Variants in HRH2 observed in about 807,000 individuals in gnomAD.
The protein encoded by HRH2 is histamine receptor H2.
A neutral mutation model predicts 20.1 loss-of-function variants in HRH2; 4 were observed. The ratio of observed to expected loss-of-function variants is 0.20; its 90% CI spans 0.10 to 0.45. The LOEUF is 0.45. Ranked by LOEUF, HRH2 falls within the 20% of genes least tolerant of loss-of-function variation. The probability of loss-of-function intolerance (pLI) is 0.99; values close to 1 mark genes in which losing one functional copy is unlikely to be tolerated. For synonymous variants in HRH2, 197 were observed against 200.7 expected, an observed-to-expected ratio of 0.98 and a Z score of 0.16; for missense variants, 250 against 461.6, an observed-to-expected ratio of 0.54 and a Z score of 4.20.
chr5:175,696,225 G>A (rs981792359), intron 2 of HRH2, among the ~76,000 whole-genome samples: 3 of 152,254 alleles, frequency 2.0e-5, no homozygotes, highest in Non-Finnish European at 2.9e-5. Context: ...GAGAGGGTAC[G>A]TCAAGTCAGC....
Position 175,681,185 on chromosome 5 carries a change from G to C in HRH2, c.-525-1524G>C, listed in dbSNP as rs1192533019. On this transcript the variant is annotated intron_variant, in intron 1 of 2. Transcript: ENST00000636584. The surrounding 1 kb of genome is among the most constrained non-coding windows in gnomAD (Gnocchi z 4.3). ...TGTGGCGGTGAGACCCATGCTGTTT[G>C]GGCTATTTATGTAATGAAAAGCTCT... Among the ~76,000 whole-genome samples, 1 of 152,134 alleles carries C rather than the reference G, an allele frequency of 6.6e-6. No individual in the cohort carries two copies. The highest frequency in any genetic ancestry group is 1.5e-5 in the Non-Finnish European group (1 of 68,022).
At chr5:175,676,849 G>T (rs996045536) in intron 1 of HRH2, among the ~76,000 whole-genome samples, 4 of 152,196 alleles carry the variant, frequency 2.6e-5, no homozygotes, top group Non-Finnish European at 4.4e-5. Flanking sequence ...TTGCACTGGA[G>T]GATATTATTT....
chr5:175,677,209 G>T lies in HRH2; in HGVS notation c.-525-5500G>T, dbSNP rs929854890. Among the ~76,000 whole-genome samples, 2 of 152,180 alleles carry T rather than the reference G, an allele frequency of 1.3e-5. No homozygotes were observed. Among genetic ancestry groups the T allele is most frequent in the Non-Finnish European group, 2.9e-5 (2 of 68,034 alleles). ...AGGGTCTCACTACGTTGCCCAGGCTGGTCTCAAATTCCTGGCCAATTCTCC... is the reference window on the plus strand; with the variant it reads ...AGGGTCTCACTACGTTGCCCAGGCTTGTCTCAAATTCCTGGCCAATTCTCC... On this transcript the variant is annotated intron_variant, in intron 1 of 2. Transcript: ENST00000636584. This position sits in a 1 kb window ranked among gnomAD's most constrained non-coding sequence, Gnocchi z 4.2.
chr5:175,684,669 T>G (rs1195401662), intron 2 of HRH2, among the ~76,000 whole-genome samples: 2 of 152,198 alleles, frequency 1.3e-5, no homozygotes, highest in Non-Finnish European at 2.9e-5. Flanking sequence ...TCGTAAGTGT[T>G]CAACCAACCC....
chr5:175,695,219 G>GT (rs946721912), intron 2 of HRH2, among the ~76,000 whole-genome samples: 1 of 152,106 alleles, frequency 6.6e-6, no homozygotes, highest in African/African-American at 2.4e-5. Context: ...CGCCGCCCTG[G>GT]TAACGGTTGA....
intron 1 of HRH2, among the ~76,000 whole-genome samples, chr5:175,679,605 G>A (rs1755889491): frequency 6.6e-6 from 1 of 152,234 alleles, no homozygotes; most frequent in African/African-American, 2.4e-5. Flanking sequence ...GGTACAAAGT[G>A]CAGAGAGATT....
intron 1 of HRH2, among the ~76,000 whole-genome samples, chr5:175,670,722 A>G (rs1204961274): frequency 6.6e-6 from 1 of 152,218 alleles, no homozygotes; most frequent in African/African-American, 2.4e-5. Context: ...TCTTGAGCCC[A>G]CCAGAGACCC....
chr5:175,689,671 C>T (rs531612170), intron 2 of HRH2, among the ~76,000 whole-genome samples: 9 of 152,330 alleles, frequency 5.9e-5, no homozygotes, highest in Admixed American at 4.6e-4. Context: ...ATACTGGCAT[C>T]AGAGGCAGGC....
At chr5:175,658,747 C>G (rs953567174) in intron 1 of HRH2, among the ~76,000 whole-genome samples, 2 of 152,146 alleles carry the variant, frequency 1.3e-5, no homozygotes, top group Non-Finnish European at 2.9e-5. Flanking sequence ...ACAGGCAGCG[C>G]TCAGCGGGTG....
At position 175,686,095 on chromosome 5, in the gene HRH2, C is replaced by T. The variant is rs1756161958; in HGVS notation, c.1076+1786C>T. 6.6e-6 allele frequency: 1 copy of T among 152,508 alleles called. No homozygotes were observed. Among genetic ancestry groups the T allele is most frequent in the East Asian group, 1.9e-4 (1 of 5,180 alleles). The allele number at this position is 152,508 out of a possible 1,614,324, so 9.4% of individuals were successfully genotyped here. ...CCCTCAAATCCACCCTCCAAGTGCA[C>T]ACCTGGAAACTTCCGCTTCCAGTCC... On this transcript the variant is annotated intron_variant, in intron 2 of 2. Transcript: ENST00000636584. The surrounding 1 kb of genome is among the most constrained non-coding windows in gnomAD (Gnocchi z 4.7).
intron 1 of HRH2, among the ~76,000 whole-genome samples, chr5:175,672,473 T>C (rs1755578320): frequency 6.6e-6 from 1 of 152,206 alleles, no homozygotes; most frequent in Admixed American, 6.5e-5. Flanking sequence ...TTTTCTTATC[T>C]ATAAGATAGA....
At chr5:175,665,096 G>A (rs539780256) in intron 1 of HRH2, among the ~76,000 whole-genome samples, 39 of 152,332 alleles carry the variant, frequency 2.6e-4, no homozygotes, top group African/African-American at 9.1e-4. Flanking sequence ...GTCTTGTGCA[G>A]GGATGAAGGC....
Position 175,683,461 on chromosome 5 carries a change from C to G in HRH2, c.228C>G (p.Ala76=). 6.2e-7 allele frequency: 1 copy of G among 1,614,210 alleles called. No individual in the cohort carries two copies. Among genetic ancestry groups the G allele is most frequent in the Admixed American group, 1.7e-5 (1 of 60,028 alleles). ...GCCTCCTGGTGCTGCCCTTCTCTGC[C>G]ATCTACCAGCTGTCCTGCAAGTGGA... The part of the protein sequence containing the change: ...LLGLLVLPFS[A]IYQLSCKWSF... The change falls in exon 2 of 3, where the codon GCC becomes GCG. Residue 76 remains alanine (A), a synonymous_variant. Transcript: ENST00000636584.
intron 1 of HRH2, among the ~76,000 whole-genome samples, chr5:175,666,699 G>C (rs1376718044): frequency 6.6e-6 from 1 of 152,068 alleles, no homozygotes; most frequent in Non-Finnish European, 1.5e-5. Context: ...CAAAGCACTG[G>C]GATTACAGAC....
intron 1 of HRH2, among the ~76,000 whole-genome samples, chr5:175,661,323 AG>A (rs1477056589): frequency 6.6e-6 from 1 of 152,192 alleles, no homozygotes; most frequent in East Asian, 1.9e-4. Flanking sequence ...TGGCACATGA[AG>A]GCTTGTCAGT....
chr5:175,684,350 G>T (rs112033027), intron 2 of HRH2, 41 bp downstream of exon 2: 1 of 1,593,974 alleles, frequency 6.3e-7, no homozygotes, highest in Admixed American at 1.7e-5. Flanking sequence ...GGGGGCAATG[G>T]GAGGGGATGC....
In HRH2 at chr5:175,709,439, A is replaced by G. The variant is rs766618149; in HGVS notation, c.*1468A>G. On this transcript the variant is annotated 3_prime_UTR_variant, in exon 3 of 3. Coordinates refer to ENST00000636584, the MANE Select transcript of HRH2 (RefSeq NM_001367711.1). ...GCTTGGCTCCTTCCGGGAGCTTGAG[A>G]CCCACTGCCGCCTCCGCAACACCTC... 1.3e-5 allele frequency: 2 copies of G among 152,092 alleles called. No homozygotes were observed. The highest frequency in any genetic ancestry group is 2.9e-5 in the Non-Finnish European group (2 of 68,028). The allele number at this position is 152,092 out of a possible 1,614,324, so 9.4% of individuals were successfully genotyped here. A position where few individuals can be genotyped will look rare whatever the true frequency, so the allele number is the denominator to read the frequency against.
intron 1 of HRH2, among the ~76,000 whole-genome samples, chr5:175,662,912 A>G (rs1344000791): frequency 6.6e-6 from 1 of 152,166 alleles, no homozygotes; most frequent in Non-Finnish European, 1.5e-5. Flanking sequence ...CATTTCACAA[A>G]AACTGAATCA....
chr5:175,685,758 G>C (rs1206341860), intron 2 of HRH2: 1 of 537,120 alleles, frequency 1.9e-6, no homozygotes, highest in African/African-American at 1.9e-5. Flanking sequence ...GAAGGGACAT[G>C]AACATGCTCT....
Sources: allele counts gnomAD v4.1 joint callset (sites outside exome capture counted in the v4.1 genomes callset), GRCh38; gene constraint gnomAD v4.1.1; non-coding constraint Gnocchi (gnomAD v3.1); transcripts MANE v1.5; gene names NCBI Gene and HGNC (gene_info 2026-07-23, HGNC 2026-07-21).